The following MGAT4C variants were observed in gnomAD, a reference collection of about 807,000 sequenced individuals.
The protein encoded by MGAT4C is MGAT4 family member C.
In MGAT4C, 19 loss-of-function variants were observed where a neutral mutation model predicts 40.1. That is an observed-to-expected ratio of 0.47 (90% CI 0.33 to 0.70). The LOEUF is 0.70. Ranked by LOEUF, MGAT4C falls within the 30% of genes least tolerant of loss-of-function variation. The pLI, the probability that MGAT4C is intolerant of heterozygous loss-of-function variation, is 0.02. For synonymous variants in MGAT4C, 181 were observed against 187.1 expected, an observed-to-expected ratio of 0.97 and a Z score of 0.27; for missense variants, 491 against 563.2, an observed-to-expected ratio of 0.87 and a Z score of 1.30.
intron 3 of MGAT4C, among the ~76,000 whole-genome samples, chr12:86,406,726 A>G (rs1396954304): frequency 1.3e-5 from 2 of 152,092 alleles, no homozygotes; most frequent in African/African-American, 4.8e-5. Flanking sequence ...AAAAAAAACT[A>G]AATGTGCAAA....
At chr12:86,344,121 T>G (rs1018241722) in intron 3 of MGAT4C, among the ~76,000 whole-genome samples, 11 of 152,194 alleles carry the variant, frequency 7.2e-5, no homozygotes, top group African/African-American at 2.7e-4. Flanking sequence ...TGCAGAAAGA[T>G]AGTCTGATAT....
intron 1 of MGAT4C, among the ~76,000 whole-genome samples, chr12:86,729,294 G>T (rs565623623): frequency 1.3e-5 from 2 of 152,142 alleles, no homozygotes; most frequent in South Asian, 4.1e-4. Context: ...ATTATGCATT[G>T]CCTGCCTGTA....
chr12:86,484,253 C>T (rs1306567791), intron 2 of MGAT4C, among the ~76,000 whole-genome samples: 1 of 152,122 alleles, frequency 6.6e-6, no homozygotes, highest in African/African-American at 2.4e-5. Flanking sequence ...CCATAGGCAC[C>T]CTTCTCTAGA....
intron 3 of MGAT4C, among the ~76,000 whole-genome samples, chr12:86,386,216 C>T (rs1956047894): frequency 6.6e-6 from 1 of 152,148 alleles, no homozygotes; most frequent in South Asian, 2.1e-4. Context: ...AGGTGTGAGC[C>T]AGGTAATTAT....
At chr12:86,385,962 G>A (rs924676048) in intron 3 of MGAT4C, among the ~76,000 whole-genome samples, 5 of 151,648 alleles carry the variant, frequency 3.3e-5, no homozygotes, top group Admixed American at 6.6e-5. Context: ...ACGGAGTCTC[G>A]CTCTGTCACC....
intron 2 of MGAT4C, among the ~76,000 whole-genome samples, chr12:85,990,494 T>C (rs1013224327): frequency 2.6e-5 from 4 of 152,168 alleles, no homozygotes; most frequent in Non-Finnish European, 5.9e-5. Context: ...GAAGTATTTA[T>C]GTGTAAGGGA....
Position 85,975,862 on chromosome 12 carries a change from T to C in MGAT4C, c.*3427A>G, listed in dbSNP as rs1326444118. 1 of 150,936 alleles carries C rather than the reference T, an allele frequency of 6.6e-6. No homozygotes were observed. The highest frequency in any genetic ancestry group is 1.5e-5 in the Non-Finnish European group (1 of 67,156). 9.3% of individuals were successfully genotyped at this position (150,936 alleles called of 1,614,324 possible). A position where few individuals can be genotyped will look rare whatever the true frequency, so the allele number is the denominator to read the frequency against. On this transcript the variant is annotated 3_prime_UTR_variant, in exon 5 of 5. Coordinates refer to ENST00000611864, the MANE Select transcript of MGAT4C (RefSeq NM_001351288.2). ...ACTCAGTAATATGATGCCATTACTG[T>C]GTTGATGGATGTATTGTCAAGGAAA...
At chr12:86,689,152 A>G (rs1375612138) in intron 2 of MGAT4C, among the ~76,000 whole-genome samples, 1 of 152,186 alleles carries the variant, frequency 6.6e-6, no homozygotes, top group East Asian at 1.9e-4. Flanking sequence ...ATACCTGTGT[A>G]TACTTCACGA....
intron 1 of MGAT4C, among the ~76,000 whole-genome samples, chr12:86,798,117 G>A (rs907441646): frequency 2.6e-5 from 4 of 151,756 alleles, no homozygotes; most frequent in African/African-American, 9.7e-5. Context: ...GACTTCCCCT[G>A]TGTGTGAGAT....
rs1007319841 is a variant in MGAT4C, at chr12:86,268,059, G to A, written c.-57+66006C>T. ...AGTATCAAGGGATCTCATTAGAGAA[G>A]ATGCTTAGAAAGATAGCTGTGTATG... is the stretch of plus-strand genomic sequence containing the variant. On this transcript the variant is annotated intron_variant, in intron 4 of 7. Coordinates refer to the MGAT4C transcript ENST00000548651. Among the ~76,000 whole-genome samples, 5 of 152,256 alleles carry A rather than the reference G, an allele frequency of 3.3e-5. No individual in the cohort carries two copies. The East Asian group carries it at 9.7e-4, about 29-fold the overall frequency.
intron 2 of MGAT4C, among the ~76,000 whole-genome samples, chr12:86,629,407 T>C (rs902693930): frequency 6.6e-5 from 10 of 152,200 alleles, no homozygotes; most frequent in Non-Finnish European, 1.0e-4. Context: ...GCAGACCTAA[T>C]AGACATCTAC....
intron 2 of MGAT4C, among the ~76,000 whole-genome samples, chr12:86,482,536 C>T (rs1045238411): frequency 6.6e-6 from 1 of 151,968 alleles, no homozygotes; most frequent in Non-Finnish European, 1.5e-5. Flanking sequence ...TAGTAATTTA[C>T]ATTTTCTACC....
chr12:86,352,836 G>A (rs906573056), intron 3 of MGAT4C, among the ~76,000 whole-genome samples: 1 of 146,216 alleles, frequency 6.8e-6, no homozygotes, highest in African/African-American at 2.5e-5. Flanking sequence ...ATGGACACAG[G>A]AAGGGGAACA....
At chr12:86,708,222 A>G (rs543993959) in intron 2 of MGAT4C, among the ~76,000 whole-genome samples, 1 of 152,314 alleles carries the variant, frequency 6.6e-6, no homozygotes, top group Non-Finnish European at 1.5e-5. Flanking sequence ...TGACTAAAAG[A>G]GGCAAAAGTA....
chr12:86,156,390 T>G (rs1884931930), intron 1 of MGAT4C, among the ~76,000 whole-genome samples: 1 of 152,148 alleles, frequency 6.6e-6, no homozygotes, highest in Admixed American at 6.5e-5. Flanking sequence ...TGACACAATC[T>G]CGGCTCACCG....
intron 1 of MGAT4C, among the ~76,000 whole-genome samples, chr12:86,229,110 C>T (rs1040851450): frequency 6.6e-6 from 1 of 151,212 alleles, no homozygotes; most frequent in African/African-American, 2.4e-5. Flanking sequence ...TAAGGAAGTT[C>T]AAATAAATTA....
intron 2 of MGAT4C, among the ~76,000 whole-genome samples, chr12:86,495,819 A>C (rs1446770201): frequency 6.6e-6 from 1 of 152,002 alleles, no homozygotes; most frequent in African/African-American, 2.4e-5. Flanking sequence ...CTCAAACAAG[A>C]AACTAAAACT....
intron 2 of MGAT4C, among the ~76,000 whole-genome samples, chr12:86,540,675 G>A (rs1046381478): frequency 5.3e-5 from 8 of 152,132 alleles, no homozygotes; most frequent in African/African-American, 1.9e-4. Context: ...GGCGGAGGTT[G>A]CAGTGAGCCG....
intron 1 of MGAT4C, among the ~76,000 whole-genome samples, chr12:86,126,465 T>C (rs926135900): frequency 2.6e-5 from 4 of 152,152 alleles, no homozygotes; most frequent in African/African-American, 9.7e-5. Flanking sequence ...AAATTTGGCA[T>C]GGAACACACC....
Sources: allele counts gnomAD v4.1 joint callset (sites outside exome capture counted in the v4.1 genomes callset), GRCh38; gene constraint gnomAD v4.1.1; transcripts MANE v1.5; gene names NCBI Gene and HGNC (gene_info 2026-07-23, HGNC 2026-07-21).